Variants in HOMER2 observed in about 807,000 individuals in gnomAD.
The protein encoded by HOMER2 is homer protein homolog 2.
In HOMER2, 27 loss-of-function variants were observed where a neutral mutation model predicts 47.0. The ratio of observed to expected loss-of-function variants is 0.57; its 90% CI spans 0.42 to 0.79. The LOEUF (loss-of-function observed/expected upper bound fraction) is 0.79, where lower values mean the gene tolerates loss of function less well. HOMER2 is among the 30% of genes least tolerant of loss of function. The probability of loss-of-function intolerance (pLI) is 0.00; values close to 1 mark genes in which losing one functional copy is unlikely to be tolerated. For synonymous variants in HOMER2, 161 were observed against 163.8 expected, an observed-to-expected ratio of 0.98 and a Z score of 0.13; for missense variants, 443 against 435.0, an observed-to-expected ratio of 1.02 and a Z score of -0.16.
At chr15:82,985,181 C>T (rs1454753146) in intron 1 of HOMER2, among the ~76,000 whole-genome samples, 3 of 152,132 alleles carry the variant, frequency 2.0e-5, no homozygotes, top group African/African-American at 7.2e-5. Context: ...TGGTTTACCA[C>T]TGACTGAGGG....
intron 3 of HOMER2, among the ~76,000 whole-genome samples, chr15:82,869,450 C>CTT (rs71822678): frequency 0.14 from 10,116 of 70,188 alleles, 2,833 homozygotes; most frequent in Middle Eastern, 0.16. Flanking sequence ...TACTAAACAT[C>CTT]TTTTTTTTTT....
intron 3 of HOMER2, among the ~76,000 whole-genome samples, chr15:82,871,541 A>T (rs937152559): frequency 6.6e-6 from 1 of 152,164 alleles, no homozygotes; most frequent in Admixed American, 6.5e-5. Flanking sequence ...GCGTGTGGTT[A>T]ATCATTTCCT....
intron 1 of HOMER2, among the ~76,000 whole-genome samples, chr15:82,924,326 G>A (rs2053804760): frequency 6.6e-6 from 1 of 151,066 alleles, no homozygotes; most frequent in Non-Finnish European, 1.5e-5. Flanking sequence ...CTGCCAGCAG[G>A]TGTCTAGACA....
At chr15:82,856,960 G>A (rs1567015917) in intron 5 of HOMER2, among the ~76,000 whole-genome samples, 1 of 152,138 alleles carries the variant, frequency 6.6e-6, no homozygotes, top group Non-Finnish European at 1.5e-5. Context: ...CTTGGGCAAG[G>A]AGTCACTTTG....
upstream of HOMER2, chr15:82,986,061 G>T (rs74998638): frequency 1.0e-6 from 1 of 985,546 alleles, no homozygotes; most frequent in African/African-American, 1.7e-5. Context: ...TCCACCTTTA[G>T]ACAGCTACTT....
chr15:82,896,845 A>G (rs1182848772), intron 1 of HOMER2, among the ~76,000 whole-genome samples: 2 of 152,134 alleles, frequency 1.3e-5, no homozygotes, highest in African/African-American at 2.4e-5. Flanking sequence ...AAGTCTAATG[A>G]TATTTCAAAA....
chr15:82,921,990 C>A (rs1335854593), intron 1 of HOMER2, among the ~76,000 whole-genome samples: 2 of 152,172 alleles, frequency 1.3e-5, no homozygotes, highest in African/African-American at 4.8e-5. Context: ...AGTGCTGAAT[C>A]CTCCATCTTG....
At chr15:82,984,328 G>T (rs1290735935) in intron 1 of HOMER2, among the ~76,000 whole-genome samples, 1 of 151,938 alleles carries the variant, frequency 6.6e-6, no homozygotes, top group African/African-American at 2.4e-5. Context: ...CACCGCACCC[G>T]GCCTTTTATT....
At chr15:82,971,011 T>C (rs1250260147) in intron 1 of HOMER2, among the ~76,000 whole-genome samples, 2 of 152,196 alleles carry the variant, frequency 1.3e-5, no homozygotes, top group Admixed American at 6.5e-5. Context: ...AACTCCTGGA[T>C]ACCCAGACAT....
At chr15:82,856,809 G>A (rs998958699) in intron 5 of HOMER2, among the ~76,000 whole-genome samples, 4 of 152,170 alleles carry the variant, frequency 2.6e-5, no homozygotes, top group Non-Finnish European at 4.4e-5. Context: ...CTGAGTTGGA[G>A]AGCTGGGGGC....
Position 82,854,778 on chromosome 15 carries a change from C to T in HOMER2, c.517G>A (p.Glu173Lys). The change falls in exon 6 of 9, where the codon GAG (glutamate) becomes AAG (lysine). Residue 173 changes from glutamate (E) to lysine (K), a missense_variant. Coordinates refer to ENST00000450735, the MANE Select transcript of HOMER2 (RefSeq NM_004839.4). ...TQSAANVKKW[E>K]IELQTLRESN... is the part of the protein sequence containing the mutation. ...TCCCGAAGGGTCTGCAGCTCGATCT[C>T]CCACTTCTTCACGTTGGCTGCGCTG... 1 of 1,610,552 alleles carries T rather than the reference C, an allele frequency of 6.2e-7. No homozygotes were observed. The highest frequency in any genetic ancestry group is 8.5e-7 in the Non-Finnish European group (1 of 1,179,664).
rs1253431057 is a variant in HOMER2, at chr15:82,888,878, T to C, written c.162+3807A>G. On this transcript the variant is annotated intron_variant, in intron 2 of 8. Coordinates refer to ENST00000450735, the MANE Select transcript of HOMER2 (RefSeq NM_004839.4). ...TCTGCGTCGCTCACGCTGGGAGCTG[T>C]AGACCGGAGCTGTTCCTATTCGGCC... Among the ~76,000 whole-genome samples, 6 of 146,904 alleles carry C rather than the reference T, an allele frequency of 4.1e-5. 1 individual carries two copies. The highest frequency in any genetic ancestry group is 1.5e-4 in the African/African-American group (6 of 39,410).
chr15:82,902,168 C>G (rs1273454259), intron 1 of HOMER2, among the ~76,000 whole-genome samples: 1 of 150,928 alleles, frequency 6.6e-6, no homozygotes, highest in Non-Finnish European at 1.5e-5. Flanking sequence ...ATGAACTCCA[C>G]AAGCTAAGAA....
upstream of HOMER2, among the ~76,000 whole-genome samples, chr15:82,954,127 T>C (rs2054560889): frequency 1.3e-5 from 2 of 152,046 alleles, no homozygotes; most frequent in Non-Finnish European, 2.9e-5. Flanking sequence ...AAAATAATCT[T>C]GGGAGTTTCC....
At chr15:82,902,251 G>A (rs1426099808) in intron 1 of HOMER2, among the ~76,000 whole-genome samples, 1 of 138,832 alleles carries the variant, frequency 7.2e-6, no homozygotes, top group East Asian at 2.1e-4. Flanking sequence ...AGGCTGTAAT[G>A]CAGTGGTGCA....
exon 2 of HOMER2, chr15:82,843,755 TACACACTC>T (rs2051202993): frequency 6.6e-6 from 1 of 152,122 alleles, no homozygotes; most frequent in Admixed American, 6.5e-5. Flanking sequence ...GAGGAAGCAG[TACACACTC>T]ACACACTGTG....
At chr15:82,916,319 A>G (rs1312201871) in intron 1 of HOMER2, among the ~76,000 whole-genome samples, 1 of 152,186 alleles carries the variant, frequency 6.6e-6, no homozygotes, top group African/African-American at 2.4e-5. Context: ...ATCCACAACT[A>G]TAAAGGAGAG....
rs74028599 is a variant in HOMER2, at chr15:82,856,907, C to T, written c.495-2107G>A. Reference sequence around the variant, plus strand: ...ACTGTGAGTGCAGCCTTGAGTGGAACACGGGCCATGTGAGGTGATGGAAGG... The same window carrying T: ...ACTGTGAGTGCAGCCTTGAGTGGAATACGGGCCATGTGAGGTGATGGAAGG... On this transcript the variant is annotated intron_variant, in intron 5 of 8. Transcript: ENST00000450735. Among the ~76,000 whole-genome samples the T allele has an allele frequency of 4.3e-3, 658 of 152,258 alleles. 3 individuals are homozygous for T. The highest frequency in any genetic ancestry group is 0.015 in the African/African-American group (625 of 41,544).
intron 1 of HOMER2, among the ~76,000 whole-genome samples, chr15:82,973,100 T>C (rs766760032): frequency 3.3e-5 from 5 of 152,254 alleles, no homozygotes; most frequent in Non-Finnish European, 5.9e-5. Context: ...TCTTGAACCC[T>C]GACAGGCTCC....
Sources: gnomAD v4.1 joint callset for allele counts (sites outside exome capture counted in the v4.1 genomes callset) on GRCh38, gnomAD v4.1.1 for gene constraint, MANE v1.5 for transcripts, NCBI Gene and HGNC (gene_info 2026-07-23, HGNC 2026-07-21) for gene names.